Variants in PPARGC1A observed in about 807,000 individuals in gnomAD.
The protein encoded by PPARGC1A is peroxisome proliferator-activated receptor gamma coactivator 1-alpha.
Under a neutral mutation model 88.7 loss-of-function variants are expected in PPARGC1A, and 25 were observed. That is an observed-to-expected ratio of 0.28 (90% CI 0.21 to 0.39). The LOEUF (loss-of-function observed/expected upper bound fraction) is 0.39. Ranked by LOEUF, PPARGC1A falls within the 10% of genes least tolerant of loss-of-function variation. PPARGC1A has a pLI of 1.00. For synonymous variants in PPARGC1A, 363 were observed against 355.6 expected, an observed-to-expected ratio of 1.02 and a Z score of -0.24; for missense variants, 880 against 968.7, an observed-to-expected ratio of 0.91 and a Z score of 1.22.
chr4:24,366,456 C>T, the PPARGC1A span, among the ~76,000 whole-genome samples: 8 of 152,222 alleles, frequency 5.3e-5, no homozygotes, highest in South Asian at 1.7e-3. Flanking sequence ...TACCAGTGAT[C>T]GAGCAAAGAA....
the PPARGC1A span, among the ~76,000 whole-genome samples, chr4:24,323,528 C>T: frequency 6.6e-6 from 1 of 152,192 alleles, no homozygotes; most frequent in Non-Finnish European, 1.5e-5. Flanking sequence ...CTGCCCCTGC[C>T]CACCAGAGAA....
chr4:23,995,903 G>C, the PPARGC1A span, among the ~76,000 whole-genome samples: 1 of 152,124 alleles, frequency 6.6e-6, no homozygotes, highest in African/African-American at 2.4e-5. Context: ...ATCCCTTTTA[G>C]CAACACAGAA....
the PPARGC1A span, among the ~76,000 whole-genome samples, chr4:24,173,107 T>G: frequency 2.0e-5 from 3 of 152,110 alleles, no homozygotes; most frequent in South Asian, 6.2e-4. Flanking sequence ...TACAGGCATG[T>G]TACTGGTGAC....
the PPARGC1A span, among the ~76,000 whole-genome samples, chr4:23,982,883 A>G: frequency 6.6e-6 from 1 of 152,086 alleles, no homozygotes; most frequent in Non-Finnish European, 1.5e-5. Flanking sequence ...ATCTTTAACG[A>G]AGTTTGGCAA....
the PPARGC1A span, among the ~76,000 whole-genome samples, chr4:24,312,671 C>T: frequency 3.4e-5 from 5 of 148,454 alleles, no homozygotes; most frequent in African/African-American, 1.2e-4. Flanking sequence ...TACTGACTCA[C>T]TGTCATGTTC....
chr4:24,283,879 C>G, the PPARGC1A span, among the ~76,000 whole-genome samples: 1 of 152,152 alleles, frequency 6.6e-6, no homozygotes, highest in Non-Finnish European at 1.5e-5. Flanking sequence ...AGTATTTGAA[C>G]GGGTCTTGGC....
chr4:24,228,804 G>A, the PPARGC1A span, among the ~76,000 whole-genome samples: 1 of 152,174 alleles, frequency 6.6e-6, no homozygotes, highest in Admixed American at 6.5e-5. Flanking sequence ...AATTAAGGCT[G>A]TAACTTGTTC....
intron 2 of PPARGC1A, among the ~76,000 whole-genome samples, chr4:23,876,979 CTG>C (rs1235854731): frequency 4.6e-5 from 7 of 152,128 alleles, no homozygotes; most frequent in Non-Finnish European, 8.8e-5. Flanking sequence ...GAATCTGAAA[CTG>C]TGCAAATCAC....
the PPARGC1A span, among the ~76,000 whole-genome samples, chr4:24,415,716 T>G: frequency 6.6e-6 from 1 of 152,246 alleles, no homozygotes; most frequent in African/African-American, 2.4e-5. Context: ...CAGAGAGTTC[T>G]TAATTACATA....
At chr4:23,964,975 A>G in the PPARGC1A span, among the ~76,000 whole-genome samples, 1 of 152,328 alleles carries the variant, frequency 6.6e-6, no homozygotes, top group Non-Finnish European at 1.5e-5. Context: ...CAAAGACAGC[A>G]TAGATAGACT....
At chr4:24,090,985 G>A in the PPARGC1A span, among the ~76,000 whole-genome samples, 1 of 152,142 alleles carries the variant, frequency 6.6e-6, no homozygotes. Flanking sequence ...CCTATTATGA[G>A]TTCAGCATAA....
intron 7 of PPARGC1A, among the ~76,000 whole-genome samples, chr4:23,818,839 CTTTTTTTTTTT>C (rs762478316): frequency 2.7e-4 from 13 of 49,002 alleles, no homozygotes; most frequent in African/African-American, 7.1e-4. Context: ...CCAATGGCAT[CTTTTTTTTTTT>C]TTTTTTTTTT....
At chr4:24,178,345 A>C in the PPARGC1A span, among the ~76,000 whole-genome samples, 2 of 152,206 alleles carry the variant, frequency 1.3e-5, no homozygotes, top group Admixed American at 1.3e-4. Flanking sequence ...TCATGAGGAA[A>C]AGCCACAAGT....
At chr4:24,077,021 C>CA in the PPARGC1A span, among the ~76,000 whole-genome samples, 101 of 151,168 alleles carry the variant, frequency 6.7e-4, no homozygotes, top group East Asian at 0.015. Context: ...GGCTCAATGC[C>CA]AAAAAAAAGT....
At chr4:24,011,371 T>G in the PPARGC1A span, among the ~76,000 whole-genome samples, 1 of 152,036 alleles carries the variant, frequency 6.6e-6, no homozygotes, top group Non-Finnish European at 1.5e-5. Flanking sequence ...GCACAAGCAC[T>G]CACACATACA....
chr4:24,046,093 C>T, the PPARGC1A span, among the ~76,000 whole-genome samples: 5 of 152,178 alleles, frequency 3.3e-5, no homozygotes, highest in Admixed American at 2.6e-4. Flanking sequence ...ACAATGTACC[C>T]TGAACATCCT....
the PPARGC1A span, among the ~76,000 whole-genome samples, chr4:24,052,647 A>T: frequency 6.6e-6 from 1 of 151,142 alleles, no homozygotes; most frequent in Non-Finnish European, 1.5e-5. Flanking sequence ...AGAAAAAAAA[A>T]AAAAAAATAT....
At chr4:23,870,417 C>A (rs1279693416) in intron 2 of PPARGC1A, among the ~76,000 whole-genome samples, 2 of 152,152 alleles carry the variant, frequency 1.3e-5, no homozygotes, top group Admixed American at 6.5e-5. Flanking sequence ...AGGCCCCAGA[C>A]TGTCATATTT....
intron 2 of PPARGC1A, chr4:23,882,196 C>T (rs1716074287): frequency 6.6e-6 from 1 of 152,174 alleles, no homozygotes; most frequent in South Asian, 2.1e-4. Context: ...GTTATGGGAA[C>T]TTACCTAAAC....
Sources: gnomAD v4.1 joint callset for allele counts (sites outside exome capture counted in the v4.1 genomes callset) on GRCh38, gnomAD v4.1.1 for gene constraint, MANE v1.5 for transcripts, NCBI Gene and HGNC (gene_info 2026-07-23, HGNC 2026-07-21) for gene names.